The following SHROOM3 variants were observed in gnomAD, a reference collection of about 807,000 sequenced individuals.
SHROOM3 encodes the protein shroom family member 3.
Under a neutral mutation model 138.6 loss-of-function variants are expected in SHROOM3, and 47 were observed. The observed-to-expected ratio is 0.34, with a 90% CI of 0.27 to 0.43. The LOEUF is 0.43. Among genes scored for constraint, SHROOM3 ranks in the 20% least tolerant of loss-of-function variants. The pLI is 1.00. For synonymous variants in SHROOM3, 1,062 were observed against 1,063.3 expected, an observed-to-expected ratio of 1.00 and a Z score of 0.02; for missense variants, 2,491 against 2,596.5, an observed-to-expected ratio of 0.96 and a Z score of 0.88.
chr4:76,759,847 A>C (rs1395477362), intron 9 of SHROOM3, 152 bp downstream of exon 9: 1 of 896,642 alleles, frequency 1.1e-6, no homozygotes, highest in East Asian at 2.7e-5. Flanking sequence ...CTTTGGATTT[A>C]CATGGCACTT....
chr4:76,491,952 A>AAG (rs958260341), intron 1 of SHROOM3, among the ~76,000 whole-genome samples: 1 of 152,054 alleles, frequency 6.6e-6, no homozygotes, highest in African/African-American at 2.4e-5. Context: ...GAGTTCCAGA[A>AAG]AGAGAGAGAG....
intron 2 of SHROOM3, among the ~76,000 whole-genome samples, chr4:76,667,923 C>T (rs558561363): frequency 2.2e-5 from 3 of 137,538 alleles, no homozygotes; most frequent in Non-Finnish European, 3.0e-5. Flanking sequence ...AGCCAAGGTG[C>T]GCCACTGCAC....
intron 2 of SHROOM3, among the ~76,000 whole-genome samples, chr4:76,636,996 T>C (rs4355413): frequency 0.36 from 55,186 of 152,066 alleles, 10,570 homozygotes; most frequent in East Asian, 0.52. Flanking sequence ...CAGAAATACA[T>C]CATAGGAATT....
intron 6 of SHROOM3, among the ~76,000 whole-genome samples, chr4:76,751,715 T>G (rs1397385184): frequency 6.6e-6 from 1 of 152,194 alleles, no homozygotes; most frequent in Non-Finnish European, 1.5e-5. Flanking sequence ...ATTGAAAAGA[T>G]GCTCAACACC....
At chr4:76,676,510 AAGAG>A (rs1202288105) in intron 2 of SHROOM3, among the ~76,000 whole-genome samples, 5 of 152,182 alleles carry the variant, frequency 3.3e-5, no homozygotes, top group Non-Finnish European at 5.9e-5. Context: ...GAACACTTAG[AAGAG>A]AGAGAAGTTG....
chr4:76,757,012 T>A (rs1165291560), intron 8 of SHROOM3, 75 bp downstream of exon 8: 17 of 1,607,994 alleles, frequency 1.1e-5, no homozygotes, highest in Non-Finnish European at 1.4e-5. Context: ...AGTCTAGGAC[T>A]AGTTGCCTGA....
At chr4:76,550,693 G>A (rs1733334962) in intron 1 of SHROOM3, among the ~76,000 whole-genome samples, 1 of 152,024 alleles carries the variant, frequency 6.6e-6, no homozygotes, top group Admixed American at 6.6e-5. Context: ...ACAAATAAGT[G>A]CCATTTCAAA....
intron 2 of SHROOM3, among the ~76,000 whole-genome samples, chr4:76,597,071 CCT>C (rs1384147262): frequency 1.3e-5 from 2 of 152,190 alleles, no homozygotes; most frequent in Non-Finnish European, 2.9e-5. Flanking sequence ...GAGACAGTAA[CCT>C]CTGTCTCTGA....
intron 1 of SHROOM3, among the ~76,000 whole-genome samples, chr4:76,528,336 TCTTCTTC>T (rs1223054343): frequency 1.4e-4 from 13 of 89,958 alleles, no homozygotes; most frequent in African/African-American, 5.5e-4. Flanking sequence ...TTCTTCTTCT[TCTTCTTC>T]TTTTTTTTTT....
intron 4 of SHROOM3, among the ~76,000 whole-genome samples, chr4:76,733,363 C>T (rs1720937636): frequency 6.6e-6 from 1 of 152,202 alleles, no homozygotes; most frequent in Admixed American, 6.5e-5. Flanking sequence ...GTATCTACCA[C>T]TCTGTCTCTC....
At chr4:76,550,310 T>A (rs971500236) in intron 1 of SHROOM3, among the ~76,000 whole-genome samples, 3 of 152,082 alleles carry the variant, frequency 2.0e-5, no homozygotes, top group African/African-American at 4.8e-5. Flanking sequence ...AAAGAATGAA[T>A]GTGTTCACCA....
At chr4:76,646,980 C>T (rs191279990) in intron 2 of SHROOM3, among the ~76,000 whole-genome samples, 14 of 152,164 alleles carry the variant, frequency 9.2e-5, no homozygotes, top group African/African-American at 2.4e-4. Flanking sequence ...ACATTTTGAG[C>T]GCTATTCACA....
chr4:76,552,010 C>T lies in SHROOM3; in HGVS notation c.169-3599C>T, dbSNP rs370103059. Among the ~76,000 whole-genome samples the T allele has an allele frequency of 7.7e-3, 1,028 of 133,260 alleles. 6 individuals carry two copies. Among genetic ancestry groups the T allele is most frequent in the African/African-American group, 0.013 (456 of 33,950 alleles). The allele number at this position is 133,260 out of a possible 152,430, so 87.4% of individuals were successfully genotyped here. A position where few individuals can be genotyped will look rare whatever the true frequency, so the allele number is the denominator to read the frequency against. ...CCGAGTAGCTGGGACTACAGGCGCCCGCCATCACGCCCGGCTAATTTTTTG... is the reference window on the plus strand; with the variant it reads ...CCGAGTAGCTGGGACTACAGGCGCCTGCCATCACGCCCGGCTAATTTTTTG... On this transcript the variant is annotated intron_variant, in intron 1 of 10. Coordinates refer to ENST00000296043, the MANE Select transcript of SHROOM3 (RefSeq NM_020859.4).
chr4:76,711,681 TCAAA>T (rs895584631), intron 3 of SHROOM3, among the ~76,000 whole-genome samples: 1 of 152,220 alleles, frequency 6.6e-6, no homozygotes, highest in African/African-American at 2.4e-5. Context: ...AGACAGAGCT[TCAAA>T]CAAACAATAT....
At chr4:76,672,746 GTATTT>G (rs1283755341) in intron 2 of SHROOM3, among the ~76,000 whole-genome samples, 1 of 152,036 alleles carries the variant, frequency 6.6e-6, no homozygotes, top group Non-Finnish European at 1.5e-5. Context: ...CTAATTTTTT[GTATTT>G]TTAGTAAAGA....
intron 1 of SHROOM3, among the ~76,000 whole-genome samples, chr4:76,477,703 C>G (rs749070832): frequency 6.6e-6 from 1 of 152,114 alleles, no homozygotes; most frequent in African/African-American, 2.4e-5. Flanking sequence ...CGAATAGGAA[C>G]AGCTCTGGTC....
chr4:76,508,730 A>G (rs1439551891), intron 1 of SHROOM3, among the ~76,000 whole-genome samples: 1 of 152,160 alleles, frequency 6.6e-6, no homozygotes, highest in Non-Finnish European at 1.5e-5. Flanking sequence ...TCTTTCAACA[A>G]TGTTTCATGG....
intron 2 of SHROOM3, among the ~76,000 whole-genome samples, chr4:76,693,321 C>G (rs140963232): frequency 1.9e-3 from 268 of 143,890 alleles, no homozygotes; most frequent in African/African-American, 6.8e-3. Context: ...CTTATATTAA[C>G]TGGTATCCTT....
In SHROOM3 at chr4:76,488,212, G is replaced by A. The variant is rs543393910; in HGVS notation, c.168+51992G>A. On this transcript the variant is annotated intron_variant, in intron 1 of 10. Transcript: ENST00000296043. ...TAAAGGGGGTTCACTAACAGACTAA[G>A]GACCATCAGAAAGATTTTTTTAAAT... Among the ~76,000 whole-genome samples, 522 of 152,160 alleles carry A rather than the reference G, an allele frequency of 3.4e-3. 2 individuals are homozygous for A. The highest frequency in any genetic ancestry group is 6.1e-3 in the Non-Finnish European group (412 of 68,006).
Sources: allele counts gnomAD v4.1 joint callset (sites outside exome capture counted in the v4.1 genomes callset), GRCh38; gene constraint gnomAD v4.1.1; transcripts MANE v1.5; gene names NCBI Gene and HGNC (gene_info 2026-07-23, HGNC 2026-07-21).